ARL15: variants seen among roughly 807,000 people sequenced by gnomAD.
ARL15 encodes ADP-ribosylation factor-like protein 15.
Under a neutral mutation model 25.2 loss-of-function variants are expected in ARL15, and 19 were observed. That is an observed-to-expected ratio of 0.75 (90% confidence interval 0.53 to 1.10). The LOEUF is 1.10. Ranked by LOEUF, ARL15 falls within the 50% of genes least tolerant of loss-of-function variation. The pLI, the probability that ARL15 is intolerant of heterozygous loss-of-function variation, is 0.00. For synonymous variants in ARL15, 94 were observed against 86.8 expected, an observed-to-expected ratio of 1.08 and a Z score of -0.46; for missense variants, 220 against 246.0, an observed-to-expected ratio of 0.89 and a Z score of 0.71.
At chr5:53,912,251 A>G (rs1368125867) in intron 4 of ARL15, 1 of 152,192 alleles carries the variant, frequency 6.6e-6, no homozygotes, top group Admixed American at 6.5e-5. Context: ...AGGTTAAAGA[A>G]TATGTCCAAG....
chr5:54,006,928 T>TA (rs1347607097), intron 4 of ARL15, among the ~76,000 whole-genome samples: 3 of 151,942 alleles, frequency 2.0e-5, no homozygotes, highest in African/African-American at 4.8e-5. Context: ...CTGTCTCTAC[T>TA]AAAAAAATAC....
rs1016764128 is a variant in ARL15 at position 54,184,777 on chromosome 5, C to A, written c.49-12849G>T. ...TAGTCACCAATTCCTATGAATCTGT[C>A]CAACTTTGCCTCTACTATTTCCCTG... is the stretch of plus-strand genomic sequence containing the variant. On this transcript the variant is annotated intron_variant, in intron 1 of 4. Coordinates refer to ENST00000504924, the MANE Select transcript of ARL15 (RefSeq NM_019087.3). 2.0e-5 allele frequency among the ~76,000 whole-genome samples: 3 copies of A among 152,114 alleles called. No homozygotes were observed. In the East Asian group the frequency reaches 5.8e-4, roughly 29 times the overall value.
At chr5:54,123,850 T>C (rs772078294) in intron 3 of ARL15, among the ~76,000 whole-genome samples, 7 of 152,218 alleles carry the variant, frequency 4.6e-5, no homozygotes, top group Non-Finnish European at 1.0e-4. Flanking sequence ...CTTTAAAATA[T>C]AAGTGTTAAT....
At chr5:54,148,663 A>C (rs1438158851) in intron 3 of ARL15, among the ~76,000 whole-genome samples, 3 of 152,180 alleles carry the variant, frequency 2.0e-5, no homozygotes, top group Non-Finnish European at 4.4e-5. Flanking sequence ...TCTCAATGTC[A>C]ATTGCGAAGA....
At chr5:54,134,816 A>C (rs1341965390) in intron 3 of ARL15, among the ~76,000 whole-genome samples, 1 of 151,784 alleles carries the variant, frequency 6.6e-6, no homozygotes, top group Admixed American at 6.6e-5. Flanking sequence ...ATCTCTTGAC[A>C]TGGTGATCTG....
intron 1 of ARL15, among the ~76,000 whole-genome samples, chr5:54,234,050 C>G (rs544852046): frequency 2.0e-5 from 3 of 152,126 alleles, no homozygotes. Context: ...CAGGCTGGTA[C>G]AACGGCAAGA....
At position 54,141,787 on chromosome 5, in the gene ARL15, A is replaced by G. The variant is rs1488199334; in HGVS notation, c.253+12793T>C. Among the ~76,000 whole-genome samples the G allele has an allele frequency of 7.9e-5, 12 of 152,336 alleles. No individual in the cohort carries two copies. The East Asian group carries it at 2.1e-3, about 27-fold the overall frequency. On this transcript the variant is annotated intron_variant, in intron 3 of 4. Transcript: ENST00000504924. Reference sequence around the variant, plus strand: ...GAGTTTGCATTTTCTAAAATTTTATATAAATAGAATACAAATTTATCTCAG... The same window carrying G: ...GAGTTTGCATTTTCTAAAATTTTATGTAAATAGAATACAAATTTATCTCAG...
chr5:54,274,500 G>A (rs1321786591), intron 1 of ARL15, among the ~76,000 whole-genome samples: 1 of 152,104 alleles, frequency 6.6e-6, no homozygotes, highest in East Asian at 1.9e-4. Context: ...CTCTCAATAG[G>A]TTCATTAAAC....
chr5:53,981,082 AAACTTCAGT>A (rs1748102888), intron 4 of ARL15, among the ~76,000 whole-genome samples: 1 of 152,170 alleles, frequency 6.6e-6, no homozygotes. Context: ...AGATTCAAAC[AAACTTCAGT>A]TACTTCAGAA....
intron 1 of ARL15, among the ~76,000 whole-genome samples, chr5:54,296,314 C>G (rs1758464554): frequency 6.6e-6 from 1 of 152,194 alleles, no homozygotes; most frequent in South Asian, 2.1e-4. Flanking sequence ...GAATTAGGCT[C>G]TCTTTTAAAT....
intron 4 of ARL15, among the ~76,000 whole-genome samples, chr5:54,056,891 G>T (rs1750891112): frequency 6.6e-6 from 1 of 152,110 alleles, no homozygotes; most frequent in South Asian, 2.1e-4. Context: ...CTAGCTCACA[G>T]ATCAGCTTTG....
chr5:53,913,262 C>G (rs1236010294), intron 4 of ARL15, among the ~76,000 whole-genome samples: 1 of 152,164 alleles, frequency 6.6e-6, no homozygotes, highest in Non-Finnish European at 1.5e-5. Context: ...AAGGCTGCAC[C>G]ACTGCATTTC....
chr5:54,118,209 C>G (rs1752964751), intron 3 of ARL15, among the ~76,000 whole-genome samples: 1 of 152,086 alleles, frequency 6.6e-6, no homozygotes. Flanking sequence ...TCAAAGAAGA[C>G]AATCAACAGT....
intron 2 of ARL15, among the ~76,000 whole-genome samples, chr5:54,154,994 G>T (rs927632574): frequency 1.3e-5 from 2 of 152,080 alleles, no homozygotes; most frequent in African/African-American, 4.8e-5. Flanking sequence ...GGTGGCACAC[G>T]CCTGTAATCC....
At chr5:54,242,832 T>G (rs1428497624) in intron 1 of ARL15, among the ~76,000 whole-genome samples, 1 of 152,114 alleles carries the variant, frequency 6.6e-6, no homozygotes, top group African/African-American at 2.4e-5. Context: ...CAAACAAAAA[T>G]TATAACGAAC....
At chr5:54,203,215 C>T (rs1032363536) in intron 1 of ARL15, among the ~76,000 whole-genome samples, 1 of 152,134 alleles carries the variant, frequency 6.6e-6, no homozygotes, top group African/African-American at 2.4e-5. Flanking sequence ...TTGGTGTAAA[C>T]CTCAGAGGAC....
intron 4 of ARL15, among the ~76,000 whole-genome samples, chr5:53,997,846 A>G (rs190822388): frequency 6.6e-6 from 1 of 152,160 alleles, no homozygotes; most frequent in Non-Finnish European, 1.5e-5. Context: ...TAAAACCACT[A>G]ATCTATTTCC....
At chr5:54,198,855 A>C (rs2112476691) in intron 1 of ARL15, among the ~76,000 whole-genome samples, 1 of 152,208 alleles carries the variant, frequency 6.6e-6, no homozygotes, top group African/African-American at 2.4e-5. Flanking sequence ...CCTAAGCCAA[A>C]AGAACAAAGC....
chr5:54,019,306 T>C (rs1451037693), intron 4 of ARL15, among the ~76,000 whole-genome samples: 1 of 152,168 alleles, frequency 6.6e-6, no homozygotes, highest in East Asian at 1.9e-4. Context: ...ATTGTTTAAG[T>C]AGGTTTCCAT....
Sources: allele counts gnomAD v4.1 joint callset (sites outside exome capture counted in the v4.1 genomes callset), GRCh38; gene constraint gnomAD v4.1.1; transcripts MANE v1.5; gene names NCBI Gene and HGNC (gene_info 2026-07-23, HGNC 2026-07-21).